Variants in GBF1 observed in about 807,000 individuals in gnomAD.
GBF1 encodes the protein golgi brefeldin A resistant guanine nucleotide exchange factor 1, also known as Golgi-specific brefeldin A-resistance guanine nucleotide exchange factor 1.
Under a neutral mutation model 210.5 loss-of-function variants are expected in GBF1, and 114 were observed. The observed-to-expected ratio is 0.54, with a 90% CI of 0.47 to 0.63. The LOEUF (loss-of-function observed/expected upper bound fraction) is 0.63, where lower values mean the gene tolerates loss of function less well. Among genes scored for constraint, GBF1 ranks in the 30% least tolerant of loss-of-function variants. The pLI is 0.00. For missense variants in GBF1, 1,851 were observed against 2,357.7 expected, an observed-to-expected ratio of 0.79 and a Z score of 4.45; for synonymous variants, 850 against 889.2, an observed-to-expected ratio of 0.96 and a Z score of 0.78.
At position 102,312,092 on chromosome 10, in the gene GBF1, G is replaced by A. The variant is rs1464090978; in HGVS notation, c.164-31959G>A. ...GGATCACCTGAGGTCAGGAGTTTGA[G>A]ACCAGCCTGACCAGCATGGAGAAAC... On this transcript the variant is annotated intron_variant, in intron 3 of 39. Transcript: ENST00000369983. Among the ~76,000 whole-genome samples, 9 of 152,256 alleles carry A rather than the reference G, an allele frequency of 5.9e-5. No individual in the cohort carries two copies. The East Asian group carries it at 1.7e-3, about 29-fold the overall frequency.
chr10:102,324,255 T>C (rs2056702447), intron 3 of GBF1, among the ~76,000 whole-genome samples: 2 of 152,204 alleles, frequency 1.3e-5, no homozygotes, highest in South Asian at 4.1e-4. Flanking sequence ...TCACACACTA[T>C]GGACGTTGCT....
chr10:102,370,110 C>G, intron 26 of GBF1, 64 bp from the exon 27 acceptor site: 1 of 1,517,800 alleles, frequency 6.6e-7, no homozygotes, highest in South Asian at 1.1e-5. Flanking sequence ...CCCCCTGGCT[C>G]TTGGGGACAT....
intron 1 of GBF1, among the ~76,000 whole-genome samples, chr10:102,251,412 AT>A (rs2071512652): frequency 1.3e-5 from 2 of 151,826 alleles, no homozygotes; most frequent in Admixed American, 1.3e-4. Context: ...TTTATTGATC[AT>A]TTTTCTTACT....
At chr10:102,369,440 T>C in intron 24 of GBF1, 53 bp downstream of exon 24, 1 of 1,365,586 alleles carries the variant, frequency 7.3e-7, no homozygotes, top group East Asian at 2.3e-5. Flanking sequence ...GCTGCAACAT[T>C]GTATGCTACC....
At chr10:102,232,476 A>G in the GBF1 span, among the ~76,000 whole-genome samples, 1 of 152,202 alleles carries the variant, frequency 6.6e-6, no homozygotes, top group East Asian at 1.9e-4. Flanking sequence ...TGAGGTCAGG[A>G]GTTCGAGACC....
intron 29 of GBF1, 99 bp downstream of exon 29, chr10:102,370,959 G>A: frequency 8.5e-7 from 1 of 1,172,972 alleles, no homozygotes. Flanking sequence ...TACATTTAGT[G>A]CCCCATAGCA....
At chr10:102,323,062 A>T (rs1245561887) in intron 3 of GBF1, among the ~76,000 whole-genome samples, 1 of 152,026 alleles carries the variant, frequency 6.6e-6, no homozygotes, top group African/African-American at 2.4e-5. Context: ...GCCCAGCTGA[A>T]CACCTCTTCT....
rs2060912085 is a variant in GBF1, at chr10:102,382,402, G to A, written c.*66G>A. On this transcript the variant is annotated 3_prime_UTR_variant, in exon 40 of 40. Coordinates refer to ENST00000369983, the MANE Select transcript of GBF1 (RefSeq NM_001377137.1). ...GCTTTCCTTGACCCCACTTCTGGCT[G>A]TCCTGCGGGCCACAAGCTCTTCAGG... 1.8e-5 allele frequency: 25 copies of A among 1,412,902 alleles called. No homozygotes were observed. Among genetic ancestry groups the A allele is most frequent in the Non-Finnish European group, 2.3e-5 (24 of 1,036,994 alleles). The allele number at this position is 1,412,902 out of a possible 1,614,324, so 87.5% of individuals were successfully genotyped here.
intron 9 of GBF1, 61 bp from the exon 10 acceptor site, chr10:102,358,445 G>C: frequency 8.6e-7 from 1 of 1,156,336 alleles, no homozygotes; most frequent in Non-Finnish European, 1.3e-6. Flanking sequence ...GTACCATAGA[G>C]GGTTTGTTTT....
upstream of GBF1, among the ~76,000 whole-genome samples, chr10:102,242,412 C>T (rs193228468): frequency 1.3e-4 from 20 of 152,342 alleles, no homozygotes; most frequent in East Asian, 3.5e-3. Context: ...TGCTCTCCCT[C>T]CTTCAGCAGG....
intron 39 of GBF1, 46 bp from the exon 40 acceptor site, chr10:102,382,010 G>A (rs2060889329): frequency 1.3e-6 from 2 of 1,490,264 alleles, no homozygotes; most frequent in Non-Finnish European, 1.8e-6. Context: ...GAGTTGTCTT[G>A]TACCAACAAG....
Position 102,382,267 on chromosome 10 carries a change from C to T in GBF1, c.5514C>T (p.Ala1838=), listed in dbSNP as rs1053429056. The T allele has an allele frequency of 3.7e-6, 6 of 1,614,032 alleles. No individual in the cohort carries two copies. The Admixed American group carries it at 5.0e-5, about 13-fold the overall frequency. ...PIILNPALIE[A]TSPVPLLATP... Reference sequence around the variant, plus strand: ...TCCTCAACCCTGCGCTCATCGAGGCCACCTCACCAGTGCCCCTCCTGGCCA... The same window carrying T: ...TCCTCAACCCTGCGCTCATCGAGGCTACCTCACCAGTGCCCCTCCTGGCCA... Residue 1838 remains alanine, a synonymous_variant, in exon 40 of 40, where the codon GCC becomes GCT. Transcript: ENST00000369983.
chr10:102,352,549 C>T, intron 7 of GBF1, 31 bp downstream of exon 7: 1 of 1,508,298 alleles, frequency 6.6e-7, no homozygotes, highest in Non-Finnish European at 9.2e-7. Flanking sequence ...TTCAGCCCGG[C>T]TGCCCAGGCC....
intron 8 of GBF1, among the ~76,000 whole-genome samples, chr10:102,355,854 C>A (rs2059261503): frequency 6.6e-6 from 1 of 152,190 alleles, no homozygotes; most frequent in Non-Finnish European, 1.5e-5. Flanking sequence ...TGGCCTCTTG[C>A]CCTTTTGCAT....
At chr10:102,277,138 G>A (rs2075060494) in intron 3 of GBF1, among the ~76,000 whole-genome samples, 2 of 152,042 alleles carry the variant, frequency 1.3e-5, no homozygotes, top group Admixed American at 1.3e-4. Context: ...ATTATCCTGG[G>A]CAACATAGGT....
intron 1 of GBF1, among the ~76,000 whole-genome samples, chr10:102,246,668 G>A (rs2070875240): frequency 6.6e-6 from 1 of 152,216 alleles, no homozygotes; most frequent in Non-Finnish European, 1.5e-5. Context: ...GAGCCCCAGA[G>A]TGAATGATGG....
the GBF1 span, among the ~76,000 whole-genome samples, chr10:102,235,960 C>G: frequency 1.3e-5 from 2 of 152,166 alleles, no homozygotes; most frequent in Non-Finnish European, 2.9e-5. Flanking sequence ...AAGAATGAAG[C>G]CTTTAGGCTC....
chr10:102,345,022 G>A (rs932723942), intron 4 of GBF1, among the ~76,000 whole-genome samples: 95 of 151,966 alleles, frequency 6.3e-4, no homozygotes, highest in Non-Finnish European at 1.1e-3. Context: ...GGTGGCTCAC[G>A]CCTGTAAGCC....
chr10:102,354,193 G>A (rs1475600612), intron 8 of GBF1, among the ~76,000 whole-genome samples: 4 of 152,132 alleles, frequency 2.6e-5, no homozygotes, highest in Non-Finnish European at 4.4e-5. Flanking sequence ...CCTCTGATGA[G>A]GATTCCGCTT....
Sources: gnomAD v4.1 joint callset for allele counts (sites outside exome capture counted in the v4.1 genomes callset) on GRCh38, gnomAD v4.1.1 for gene constraint, MANE v1.5 for transcripts, NCBI Gene and HGNC (gene_info 2026-07-23, HGNC 2026-07-21) for gene names.